The following EIF4G3 variants were observed in gnomAD, a reference collection of about 807,000 sequenced individuals.
The protein encoded by EIF4G3 is eIF-4-gamma 3.
A neutral mutation model predicts 186.4 loss-of-function variants in EIF4G3; 34 were observed. The observed-to-expected ratio is 0.18, with a 90% CI of 0.14 to 0.24. EIF4G3 has a LOEUF of 0.24. Among genes scored for constraint, EIF4G3 ranks in the 10% least tolerant of loss-of-function variants. The pLI, the probability that EIF4G3 is intolerant of heterozygous loss-of-function variation, is 1.00. For missense variants in EIF4G3, 1,536 were observed against 1,948.5 expected, an observed-to-expected ratio of 0.79 and a Z score of 3.99; for synonymous variants, 673 against 679.5, an observed-to-expected ratio of 0.99 and a Z score of 0.15.
At chr1:21,072,484 AGT>A (rs1228027837) in intron 3 of EIF4G3, among the ~76,000 whole-genome samples, 1 of 152,050 alleles carries the variant, frequency 6.6e-6, no homozygotes, top group Non-Finnish European at 1.5e-5. Flanking sequence ...GCTCACTGCA[AGT>A]GCTGCCTCCC....
intron 9 of EIF4G3, 92 bp downstream of exon 9, chr1:20,980,956 T>G (rs1383857395): frequency 9.4e-7 from 1 of 1,068,514 alleles, no homozygotes; most frequent in Non-Finnish European, 1.3e-6. Context: ...CGAAAACTAA[T>G]ACCACAATTC....
intron 2 of EIF4G3, among the ~76,000 whole-genome samples, chr1:21,174,095 A>G (rs2098049551): frequency 6.6e-6 from 1 of 152,202 alleles, no homozygotes; most frequent in African/African-American, 2.4e-5. Flanking sequence ...GAAACACATC[A>G]AGAGGAAGAT....
At chr1:20,877,563 T>C (rs1483241924) in intron 20 of EIF4G3, among the ~76,000 whole-genome samples, 1 of 152,202 alleles carries the variant, frequency 6.6e-6, no homozygotes, top group Admixed American at 6.5e-5. Context: ...ATTTTTATTA[T>C]AATAATCATC....
Position 20,941,476 on chromosome 1 carries a change from G to A in EIF4G3, c.1663+15C>T, listed in dbSNP as rs778576370. 1 of 1,605,140 alleles carries A rather than the reference G, an allele frequency of 6.2e-7. No homozygotes were observed. Among genetic ancestry groups the A allele is most frequent in the Non-Finnish European group, 8.5e-7 (1 of 1,175,620 alleles). ...CATGTTCAGCAAGCACGAGATTAAT[G>A]GCAGAATGGCTTACCTGGGACAGGG... is the stretch of plus-strand genomic sequence containing the variant. On this transcript the variant is annotated intron_variant, in intron 14 of 36. Coordinates refer to ENST00000602326, the MANE Select transcript of EIF4G3 (RefSeq NM_001391906.1).
chr1:20,976,651 G>A (rs2076920786), intron 10 of EIF4G3, among the ~76,000 whole-genome samples: 1 of 152,152 alleles, frequency 6.6e-6, no homozygotes, highest in Non-Finnish European at 1.5e-5. Context: ...CTGAATGGCA[G>A]GAAGAGTATC....
At chr1:20,855,916 GA>G (rs1458421979) in intron 25 of EIF4G3, among the ~76,000 whole-genome samples, 3 of 152,256 alleles carry the variant, frequency 2.0e-5, no homozygotes, top group East Asian at 3.9e-4. Context: ...AGTAATGTTG[GA>G]GGTTTGATAC....
intron 3 of EIF4G3, among the ~76,000 whole-genome samples, chr1:21,067,647 G>A (rs1045360315): frequency 2.6e-5 from 4 of 152,078 alleles, no homozygotes; most frequent in Non-Finnish European, 5.9e-5. Context: ...CTTCAAAATA[G>A]AAGGGTAAAT....
At chr1:20,902,184 C>T (rs761110151) in intron 15 of EIF4G3, among the ~76,000 whole-genome samples, 12 of 151,950 alleles carry the variant, frequency 7.9e-5, no homozygotes, top group Non-Finnish European at 1.5e-4. Context: ...CTGCCTCAGC[C>T]TCCTGAGTAG....
intron 17 of EIF4G3, among the ~76,000 whole-genome samples, chr1:20,895,091 T>C (rs1337324104): frequency 2.0e-5 from 3 of 151,974 alleles, no homozygotes; most frequent in South Asian, 2.1e-4. Flanking sequence ...AACACAAAAT[T>C]TTTTATTTCA....
intron 2 of EIF4G3, among the ~76,000 whole-genome samples, chr1:21,110,475 A>C (rs1233821469): frequency 6.6e-6 from 1 of 152,054 alleles, no homozygotes. Flanking sequence ...TTTGTATTTT[A>C]GTAGAGACGG....
At chr1:20,928,329 T>G in intron 14 of EIF4G3, among the ~76,000 whole-genome samples, 1 of 152,166 alleles carries the variant, frequency 6.6e-6, no homozygotes, top group East Asian at 1.9e-4. Flanking sequence ...TTGTTGAAAT[T>G]TACTTCCTCA....
intron 7 of EIF4G3, among the ~76,000 whole-genome samples, chr1:20,993,249 A>C (rs2154568092): frequency 6.6e-6 from 1 of 152,314 alleles, no homozygotes; most frequent in South Asian, 2.1e-4. Context: ...CTAGCCCTCC[A>C]AACAGAGTTA....
At chr1:20,884,617 G>A (rs1391229393) in intron 19 of EIF4G3, among the ~76,000 whole-genome samples, 1 of 152,164 alleles carries the variant, frequency 6.6e-6, no homozygotes, top group Admixed American at 6.5e-5. Flanking sequence ...GTTGAGATAT[G>A]TTGAAATGGA....
At chr1:20,816,818 A>G (rs2061108274) in intron 34 of EIF4G3, among the ~76,000 whole-genome samples, 2 of 94,448 alleles carry the variant, frequency 2.1e-5, no homozygotes, top group African/African-American at 7.4e-5. Context: ...AGGGTGGGGA[A>G]AAAATTGAGA....
chr1:20,894,830 C>T (rs1268490458), intron 17 of EIF4G3, among the ~76,000 whole-genome samples: 1 of 152,000 alleles, frequency 6.6e-6, no homozygotes, highest in African/African-American at 2.4e-5. Context: ...GCTGTGTGCA[C>T]CATAAAGATC....
rs1417741578 is a variant in EIF4G3, at chr1:21,172,147, C to T, written c.-272+4028G>A. Among the ~76,000 whole-genome samples the T allele has an allele frequency of 2.8e-5, 4 of 142,412 alleles. 1 individual carries two copies. Among genetic ancestry groups the T allele is most frequent in the East Asian group, 2.0e-4 (1 of 4,932 alleles). 93.4% of individuals were successfully genotyped at this position (142,412 alleles called of 152,430 possible). A position where few individuals can be genotyped will look rare whatever the true frequency, so the allele number is the denominator to read the frequency against. On this transcript the variant is annotated intron_variant, in intron 2 of 36. Coordinates refer to ENST00000602326, the MANE Select transcript of EIF4G3 (RefSeq NM_001391906.1). ...AAAAAAAAAAAAAAAAAGCCTGAAA[C>T]GTGACTGAAATCCATTTATTAAAAT...
At chr1:21,126,935 AAG>A (rs1242746599) in intron 2 of EIF4G3, among the ~76,000 whole-genome samples, 2 of 152,238 alleles carry the variant, frequency 1.3e-5, no homozygotes, top group African/African-American at 4.8e-5. Context: ...ATGTTGTATA[AAG>A]AGTTATTATA....
Position 20,847,752 on chromosome 1 carries a change from C to T in EIF4G3, c.3888+1663G>A, listed in dbSNP as rs1054191206. On this transcript the variant is annotated intron_variant, in intron 29 of 36. Transcript: ENST00000602326. Reference sequence around the variant, plus strand: ...TCAGGTTTATTCTTTGGCTATTTCCCGTTAATGTTCATTTACTTTGGTACA... The same window carrying T: ...TCAGGTTTATTCTTTGGCTATTTCCTGTTAATGTTCATTTACTTTGGTACA... 1.0e-4 allele frequency: 47 copies of T among 470,816 alleles called. 2 individuals carry two copies. Among genetic ancestry groups the T allele is most frequent in the South Asian group, 7.8e-5 (5 of 64,374 alleles). The allele number at this position is 470,816 out of a possible 1,614,324, so 29.2% of individuals were successfully genotyped here. A position where few individuals can be genotyped will look rare whatever the true frequency, so the allele number is the denominator to read the frequency against.
chr1:20,827,189 A>C (rs2063863365), intron 32 of EIF4G3, among the ~76,000 whole-genome samples: 2 of 152,148 alleles, frequency 1.3e-5, no homozygotes, highest in African/African-American at 4.8e-5. Context: ...CAAACCTCTT[A>C]GACTTCTAAC....
Sources: gnomAD v4.1 joint callset for allele counts (sites outside exome capture counted in the v4.1 genomes callset) on GRCh38, gnomAD v4.1.1 for gene constraint, MANE v1.5 for transcripts, NCBI Gene and HGNC (gene_info 2026-07-23, HGNC 2026-07-21) for gene names.